AHCTF1: variants seen among roughly 807,000 people sequenced by gnomAD.
AHCTF1 encodes the protein AT-hook containing transcription factor 1, also known as protein ELYS.
A neutral mutation model predicts 248.4 loss-of-function variants in AHCTF1; 24 were observed. The observed-to-expected ratio is 0.10, with a 90% CI of 0.07 to 0.14. The LOEUF is 0.14. Ranked by LOEUF, AHCTF1 falls within the 10% of genes least tolerant of loss-of-function variation. AHCTF1 has a pLI of 1.00. For synonymous variants in AHCTF1, 786 were observed against 929.8 expected, an observed-to-expected ratio of 0.85 and a Z score of 2.81; for missense variants, 2,206 against 2,636.2, an observed-to-expected ratio of 0.84 and a Z score of 3.57.
At chr1:246,923,638 T>G (rs972312671) in intron 1 of AHCTF1, among the ~76,000 whole-genome samples, 1 of 152,256 alleles carries the variant, frequency 6.6e-6, no homozygotes, top group African/African-American at 2.4e-5. Context: ...GCTACTCATC[T>G]GCAGCAAAGA....
At chr1:246,896,002 T>C (rs1012126167) in intron 12 of AHCTF1, 77 bp from the exon 13 acceptor site, 21 of 1,199,332 alleles carry the variant, frequency 1.8e-5, no homozygotes, top group African/African-American at 3.1e-5. Context: ...TGGTTTAGAA[T>C]TTAAAAATTT....
At chr1:246,908,722 C>T (rs1039099205) in intron 4 of AHCTF1, among the ~76,000 whole-genome samples, 3 of 115,968 alleles carry the variant, frequency 2.6e-5, no homozygotes, top group African/African-American at 1.1e-4. Context: ...CCAGTCTCTA[C>T]TAAAAAAAAA....
In AHCTF1 at chr1:246,864,051, C is replaced by T; in HGVS notation, c.3413G>A (p.Ser1138Asn). The change falls in exon 27 of 36, where the codon AGC (serine) becomes AAC (asparagine). Residue 1138 changes from serine (S) to asparagine (N), a missense_variant. Physicochemically the swap from Ser to Asn is conservative, Grantham distance 46 (BLOSUM62 1). Coordinates refer to ENST00000648844, the MANE Select transcript of AHCTF1 (RefSeq NM_001323342.2). ...PSQCSEFIQQ[S>N]SMKSPLYLVS... Reference sequence around the variant, plus strand: ...TAGGTACAAAGGAGATTTCATGGAGCTTTGCTGAATAAACTCCGAACACTG... The same window carrying T: ...TAGGTACAAAGGAGATTTCATGGAGTTTTGCTGAATAAACTCCGAACACTG... The T allele has an allele frequency of 6.2e-7, 1 of 1,614,122 alleles. No individual in the cohort carries two copies. Among genetic ancestry groups the T allele is most frequent in the African/African-American group, 1.3e-5 (1 of 75,038 alleles).
At chr1:246,911,552 C>T (rs533852139) in intron 4 of AHCTF1, among the ~76,000 whole-genome samples, 9 of 142,252 alleles carry the variant, frequency 6.3e-5, no homozygotes, top group African/African-American at 1.6e-4. Context: ...GGCGCAATCT[C>T]GGCTCACTGC....
intron 30 of AHCTF1, 83 bp from the exon 31 acceptor site, chr1:246,855,910 C>A: frequency 1.1e-6 from 1 of 897,098 alleles, no homozygotes; most frequent in African/African-American, 1.7e-5. Flanking sequence ...CCTAACCTGT[C>A]ATTTTGGTGA....
intron 21 of AHCTF1, among the ~76,000 whole-genome samples, chr1:246,878,944 A>G (rs1663191665): frequency 6.6e-6 from 1 of 152,202 alleles, no homozygotes; most frequent in Non-Finnish European, 1.5e-5. Context: ...AAGAGTGTTC[A>G]TCTGCGTGTG....
intron 21 of AHCTF1, among the ~76,000 whole-genome samples, chr1:246,877,860 A>T (rs1459011938): frequency 6.6e-6 from 1 of 152,086 alleles, no homozygotes; most frequent in Non-Finnish European, 1.5e-5. Context: ...TAAATGAAGG[A>T]GTGTTTCTTA....
rs1558222245 is a variant in AHCTF1, at chr1:246,861,010, T to C, written c.4021A>G (p.Lys1341Glu). ...EETVFTASKP[K>E]SSSTALTTNV... is the part of the protein sequence containing the mutation. ...GTAGTTAGTGCAGTGGAAGAGCTTTTGGGCTTAGAGGCCGTGAAAACAGTC... is the reference window on the plus strand; with the variant it reads ...GTAGTTAGTGCAGTGGAAGAGCTTTCGGGCTTAGAGGCCGTGAAAACAGTC... The change falls in exon 29 of 36, where the codon AAA becomes GAA. Residue 1341 changes from lysine (K) to glutamate (E), a missense_variant. Coordinates refer to ENST00000648844, the MANE Select transcript of AHCTF1 (RefSeq NM_001323342.2). 1 of 1,613,986 alleles carries C rather than the reference T, an allele frequency of 6.2e-7. No individual in the cohort carries two copies. Among genetic ancestry groups the C allele is most frequent in the East Asian group, 2.2e-5 (1 of 44,882 alleles).
chr1:246,853,156 T>G lies in AHCTF1; in HGVS notation c.4498A>C (p.Ser1500Arg), dbSNP rs923551656. 6.2e-7 allele frequency: 1 copy of G among 1,612,958 alleles called. No individual in the cohort carries two copies. The highest frequency in any genetic ancestry group is 8.5e-7 in the Non-Finnish European group (1 of 1,179,426). The change falls in exon 32 of 36, where the codon AGT (serine) becomes CGT (arginine). Residue 1500 changes from serine (S) to arginine (R), a missense_variant. Physicochemically the swap from Ser to Arg is moderately radical, Grantham distance 110. Transcript: ENST00000648844. ...HEVEVGVLKE[S>R]VDLPEEKLPI... ...AGCTTTTCTTCTGGTAAGTCAACAC[T>G]TTCTTTTAGTACACCAACTTCTACT...
chr1:246,883,711 T>A (rs1054819144), intron 21 of AHCTF1, among the ~76,000 whole-genome samples: 8 of 152,194 alleles, frequency 5.3e-5, no homozygotes, highest in Non-Finnish European at 1.0e-4. Flanking sequence ...ATCTCACAAA[T>A]AGCATTTTGA....
chr1:246,869,091 G>T (rs181264780), intron 24 of AHCTF1, among the ~76,000 whole-genome samples: 15 of 150,888 alleles, frequency 9.9e-5, no homozygotes, highest in African/African-American at 2.0e-4. Context: ...TGATCCGCCC[G>T]CCTTGGCCTC....
At chr1:246,895,699 CT>C in intron 13 of AHCTF1, 135 bp downstream of exon 13, 1 of 676,242 alleles carries the variant, frequency 1.5e-6, no homozygotes, top group Non-Finnish European at 2.5e-6. Flanking sequence ...GGGGTGGGAT[CT>C]CTCTATTGCA....
At chr1:246,906,069 C>T (rs1048838628) in intron 5 of AHCTF1, among the ~76,000 whole-genome samples, 4 of 152,124 alleles carry the variant, frequency 2.6e-5, no homozygotes, top group Non-Finnish European at 5.9e-5. Context: ...AAAAGATGCC[C>T]TACAAAGAGA....
intron 24 of AHCTF1, among the ~76,000 whole-genome samples, chr1:246,870,956 C>A (rs556020281): frequency 6.6e-6 from 1 of 152,294 alleles, no homozygotes; most frequent in Non-Finnish European, 1.5e-5. Flanking sequence ...AACAATACAA[C>A]TGAGCCTTCG....
chr1:246,841,633 T>G (rs1025684400), intron 35 of AHCTF1, among the ~76,000 whole-genome samples: 1 of 152,158 alleles, frequency 6.6e-6, no homozygotes, highest in Non-Finnish European at 1.5e-5. Flanking sequence ...TTGCAGGATT[T>G]TAAAGTGTAT....
chr1:246,875,922 G>T, intron 24 of AHCTF1, 115 bp downstream of exon 24: 1 of 959,902 alleles, frequency 1.0e-6, no homozygotes, highest in Non-Finnish European at 1.5e-6. Flanking sequence ...ATATCTCCAA[G>T]GCATGCCTGT....
intron 4 of AHCTF1, among the ~76,000 whole-genome samples, chr1:246,910,567 T>G (rs1665729380): frequency 6.6e-6 from 1 of 152,168 alleles, no homozygotes; most frequent in African/African-American, 2.4e-5. Context: ...TGAATTTGGG[T>G]GATGGGTTTA....
intron 4 of AHCTF1, among the ~76,000 whole-genome samples, chr1:246,909,079 A>ATC (rs1553302561): frequency 1.4e-5 from 2 of 143,240 alleles, no homozygotes; most frequent in African/African-American, 2.6e-5. Flanking sequence ...ATATATATCT[A>ATC]TATCTATCTA....
chr1:246,869,033 A>G lies in AHCTF1; in HGVS notation c.3089-1222T>C, dbSNP rs543538057. 7.3e-5 allele frequency among the ~76,000 whole-genome samples: 11 copies of G among 151,448 alleles called. No individual in the cohort carries two copies. In the South Asian group the frequency reaches 1.0e-3, roughly 14 times the overall value. ...CTAACTTTTTCTATTTTTAGTAGAG[A>G]CGGGGTTTCACCATGTTGGCCAGGA... On this transcript the variant is annotated intron_variant, in intron 24 of 35. Coordinates refer to ENST00000648844, the MANE Select transcript of AHCTF1 (RefSeq NM_001323342.2).
Sources: allele counts gnomAD v4.1 joint callset (sites outside exome capture counted in the v4.1 genomes callset), GRCh38; gene constraint gnomAD v4.1.1; transcripts MANE v1.5; gene names NCBI Gene and HGNC (gene_info 2026-07-23, HGNC 2026-07-21).